Variants in CWC27 observed in about 807,000 individuals in gnomAD.
CWC27 encodes CWC27 spliceosome associated cyclophilin, also known as spliceosome-associated protein CWC27 homolog.
In CWC27, 47 loss-of-function variants were observed where a neutral mutation model predicts 63.6. The observed-to-expected ratio is 0.74, with a 90% CI of 0.58 to 0.94. The LOEUF (loss-of-function observed/expected upper bound fraction) is 0.94. Among genes scored for constraint, CWC27 ranks in the 40% least tolerant of loss-of-function variants. The probability of loss-of-function intolerance (pLI) is 0.00; values close to 1 mark genes in which losing one functional copy is unlikely to be tolerated. For synonymous variants in CWC27, 175 were observed against 179.8 expected (o/e 0.97, Z 0.22); for missense variants, 495 against 554.3 (o/e 0.89, Z 1.07).
chr5:64,861,619 G>C (rs1457895242), intron 10 of CWC27, among the ~76,000 whole-genome samples: 24 of 152,090 alleles, frequency 1.6e-4, no homozygotes, highest in Non-Finnish European at 1.5e-5. Context: ...TTCTATTTAT[G>C]TGAATTGTTA....
chr5:65,007,014 GAA>G (rs1173382853), intron 13 of CWC27, among the ~76,000 whole-genome samples: 13 of 136,908 alleles, frequency 9.5e-5, no homozygotes, highest in African/African-American at 2.7e-4. Flanking sequence ...AAGAAAGAAA[GAA>G]AGAAAGAAAA....
At chr5:64,969,359 T>C (rs1207122325) in intron 11 of CWC27, among the ~76,000 whole-genome samples, 1 of 152,184 alleles carries the variant, frequency 6.6e-6, no homozygotes, top group East Asian at 1.9e-4. Context: ...GTTCTACTGA[T>C]ACCCATCACA....
intron 11 of CWC27, among the ~76,000 whole-genome samples, chr5:64,942,184 A>G (rs374884945): frequency 2.0e-5 from 3 of 151,840 alleles, no homozygotes; most frequent in East Asian, 3.9e-4. Context: ...CCAATATTTT[A>G]GGAGGCTGAG....
At position 64,990,272 on chromosome 5, in the gene CWC27, T is replaced by G. The variant is rs1159862841; in HGVS notation, c.1256+13034T>G. Among the ~76,000 whole-genome samples, 19 of 42,124 alleles carry G rather than the reference T, an allele frequency of 4.5e-4. 3 individuals carry two copies. The highest frequency in any genetic ancestry group is 3.3e-3 in the South Asian group (4 of 1,222). 27.6% of individuals were successfully genotyped at this position (42,124 alleles called of 152,430 possible). A position where few individuals can be genotyped will look rare whatever the true frequency, so the allele number is the denominator to read the frequency against. On this transcript the variant is annotated intron_variant, in intron 13 of 13. Transcript: ENST00000381070. ...TTTTGTTTTTTTTTTTTTTGTTTTT[T>G]TTTTTTTTTTGAGACGGAGTCTCGC...
intron 11 of CWC27, among the ~76,000 whole-genome samples, chr5:64,923,074 C>T (rs900137615): frequency 6.6e-6 from 1 of 152,122 alleles, no homozygotes; most frequent in African/African-American, 2.4e-5. Context: ...GATGGAGGTG[C>T]CACAGGTAGG....
At chr5:64,864,626 T>A (rs1019513210) in intron 10 of CWC27, among the ~76,000 whole-genome samples, 45 of 152,210 alleles carry the variant, frequency 3.0e-4, no homozygotes, top group African/African-American at 1.1e-3. Context: ...ATTAGTGTTA[T>A]TTGTTATAAA....
chr5:64,964,752 A>C (rs1748981525), intron 11 of CWC27, among the ~76,000 whole-genome samples: 1 of 152,216 alleles, frequency 6.6e-6, no homozygotes, highest in Non-Finnish European at 1.5e-5. Flanking sequence ...CAACCCTTAA[A>C]ATAATATTTG....
intron 10 of CWC27, among the ~76,000 whole-genome samples, chr5:64,805,076 A>G (rs562214837): frequency 1.2e-4 from 18 of 152,000 alleles, no homozygotes; most frequent in Non-Finnish European, 2.2e-4. Flanking sequence ...TTCAAATACT[A>G]TTTGGGGATA....
chr5:64,947,448 G>T (rs1483758128), intron 11 of CWC27, among the ~76,000 whole-genome samples: 1 of 152,048 alleles, frequency 6.6e-6, no homozygotes, highest in African/African-American at 2.4e-5. Context: ...TGAGTCCTTT[G>T]GATGAGAGTG....
At chr5:65,008,905 G>A (rs1205343004) in intron 13 of CWC27, among the ~76,000 whole-genome samples, 1 of 152,070 alleles carries the variant, frequency 6.6e-6, no homozygotes, top group Non-Finnish European at 1.5e-5. Flanking sequence ...AGTTATATGT[G>A]TATGATGATG....
intron 2 of CWC27, among the ~76,000 whole-genome samples, chr5:64,775,702 T>C (rs189612732): frequency 7.9e-5 from 12 of 152,300 alleles, no homozygotes; most frequent in Admixed American, 6.5e-4. Flanking sequence ...TTTTTCTTTT[T>C]TTAAAATGCT....
At chr5:64,994,662 C>G (rs1380953123) in intron 13 of CWC27, among the ~76,000 whole-genome samples, 2 of 152,108 alleles carry the variant, frequency 1.3e-5, no homozygotes, top group African/African-American at 4.8e-5. Flanking sequence ...AGTCCCCTCC[C>G]CACAACCACT....
chr5:64,893,971 T>C (rs1354295300), intron 11 of CWC27, among the ~76,000 whole-genome samples: 1 of 151,042 alleles, frequency 6.6e-6, no homozygotes, highest in Admixed American at 6.6e-5. Flanking sequence ...GCCCTGTTGC[T>C]GAGGCTTGAG....
At chr5:64,961,185 C>T (rs192709019) in intron 11 of CWC27, among the ~76,000 whole-genome samples, 2 of 152,332 alleles carry the variant, frequency 1.3e-5, no homozygotes, top group African/African-American at 4.8e-5. Context: ...ACTTAACTTG[C>T]AGTCTTACAA....
chr5:64,778,258 A>G (rs1279800349), intron 2 of CWC27, among the ~76,000 whole-genome samples: 2 of 151,966 alleles, frequency 1.3e-5, no homozygotes, highest in Non-Finnish European at 2.9e-5. Context: ...GCTTGCTTGC[A>G]TTCTCTCACT....
intron 10 of CWC27, chr5:64,808,348 A>T: frequency 1.0e-6 from 1 of 987,276 alleles, no homozygotes; most frequent in Non-Finnish European, 1.2e-6. Context: ...ATATTCCCTG[A>T]CTCCTTAGTG....
At chr5:64,854,778 C>G (rs1479980930) in intron 10 of CWC27, among the ~76,000 whole-genome samples, 2 of 152,164 alleles carry the variant, frequency 1.3e-5, no homozygotes, top group African/African-American at 4.8e-5. Flanking sequence ...ATACCCATCA[C>G]TGTCCTAGCT....
intron 10 of CWC27, among the ~76,000 whole-genome samples, chr5:64,839,109 A>T (rs1745738104): frequency 6.6e-6 from 1 of 152,210 alleles, no homozygotes; most frequent in African/African-American, 2.4e-5. Context: ...TCTGGCATAT[A>T]CTAGGTGCTC....
chr5:64,839,910 A>G (rs909588958), intron 10 of CWC27, among the ~76,000 whole-genome samples: 1 of 152,144 alleles, frequency 6.6e-6, no homozygotes, highest in Non-Finnish European at 1.5e-5. Context: ...GAAGCAGCCA[A>G]AGAGGACTCC....
Sources: allele counts gnomAD v4.1 joint callset (sites outside exome capture counted in the v4.1 genomes callset), GRCh38; gene constraint gnomAD v4.1.1; transcripts MANE v1.5; gene names NCBI Gene and HGNC (gene_info 2026-07-23, HGNC 2026-07-21).